Variants in ZNF322 observed in about 807,000 individuals in gnomAD.
ZNF322 encodes zinc finger protein 322.
In ZNF322, 1 loss-of-function variant was observed where a neutral mutation model predicts 18.3. The ratio of observed to expected loss-of-function variants is 0.05; its 90% CI spans 0.02 to 0.26. The LOEUF (loss-of-function observed/expected upper bound fraction) is 0.26, where lower values mean the gene tolerates loss of function less well. Among genes scored for constraint, ZNF322 ranks in the 10% least tolerant of loss-of-function variants. The probability of loss-of-function intolerance (pLI) is 1.00; values close to 1 mark genes in which losing one functional copy is unlikely to be tolerated. For missense variants in ZNF322, 36 were observed against 403.6 expected (o/e 0.09, Z 7.80); for synonymous variants, 17 against 130.7 (o/e 0.13, Z 5.93).
intron 2 of ZNF322, among the ~76,000 whole-genome samples, chr6:26,655,912 T>G (rs1232924320): frequency 1.3e-5 from 2 of 152,170 alleles, no homozygotes; most frequent in African/African-American, 2.4e-5. Context: ...CATGAGCCAA[T>G]AAATTTCTGT....
Position 26,638,311 on chromosome 6 carries a change from G to A in ZNF322, c.243C>T (p.Val81=), listed in dbSNP as rs369973163. Residue 81 remains valine (V), a synonymous_variant, in exon 4 of 4, where the codon GTC becomes GTT. Coordinates refer to ENST00000415922, the MANE Select transcript of ZNF322 (RefSeq NM_024639.5). The stretch of plus-strand genomic sequence containing the variant: ...GGTGTGAAGTAAGATCTGAGCTTTG[G>A]ACAAAGGTTTTCTCACACATATCAC... ...YKCDMCEKTF[V]QSSDLTSHQR... The A allele has an allele frequency of 9.3e-6, 15 of 1,612,792 alleles. No homozygotes were observed. The highest frequency in any genetic ancestry group is 1.2e-5 in the Non-Finnish European group (14 of 1,179,188).
rs371308099 is a variant in ZNF322 at position 26,645,055 on chromosome 6, A to G, written c.-245-1327T>C. ...GTTCAGCTCCCACTTATAAGTGAGA[A>G]CATGCGGTGTTTGCACACCAATTAT... On this transcript the variant is annotated intron_variant, in intron 2 of 3. Transcript: ENST00000415922. Among the ~76,000 whole-genome samples the G allele has an allele frequency of 5.6e-3, 851 of 152,322 alleles. 8 individuals carry two copies. The highest frequency in any genetic ancestry group is 0.029 in the South Asian group (140 of 4,822).
intron 2 of ZNF322, among the ~76,000 whole-genome samples, chr6:26,650,010 T>A (rs1402993987): frequency 2.0e-5 from 3 of 151,854 alleles, no homozygotes; most frequent in South Asian, 4.2e-4. Context: ...CCAAAAACAT[T>A]TTATATATAT....
chr6:26,652,614 T>C (rs1256126801), intron 2 of ZNF322, among the ~76,000 whole-genome samples: 3 of 151,630 alleles, frequency 2.0e-5, no homozygotes, highest in Admixed American at 2.0e-4. Flanking sequence ...CACTTGAACC[T>C]GGGAGGCAGA....
chr6:26,643,105 T>G (rs544446382), intron 3 of ZNF322, among the ~76,000 whole-genome samples: 1 of 152,384 alleles, frequency 6.6e-6, no homozygotes, highest in African/African-American at 2.4e-5. Flanking sequence ...TCTCTTTGCA[T>G]GTTCTAATCC....
At chr6:26,651,054 G>A (rs1284696572) in intron 2 of ZNF322, among the ~76,000 whole-genome samples, 3 of 152,050 alleles carry the variant, frequency 2.0e-5, no homozygotes, top group South Asian at 4.1e-4. Flanking sequence ...CAAGACTAAA[G>A]CTATAGTAAT....
intron 2 of ZNF322, among the ~76,000 whole-genome samples, chr6:26,649,665 GTGTGTGTGTGTA>G (rs1480054882): frequency 2.2e-5 from 1 of 44,580 alleles, no homozygotes; most frequent in African/African-American, 9.1e-5. Flanking sequence ...GTGTGTGTGT[GTGTGTGTGTGTA>G]TATATATATA....
intron 3 of ZNF322, among the ~76,000 whole-genome samples, chr6:26,641,976 G>C (rs782665720): frequency 6.6e-6 from 1 of 152,008 alleles, no homozygotes; most frequent in African/African-American, 2.4e-5. Context: ...TAAGAGGAAG[G>C]CATCTGTCTC....
chr6:26,654,000 A>C (rs1765719072), intron 2 of ZNF322, among the ~76,000 whole-genome samples: 1 of 152,224 alleles, frequency 6.6e-6, no homozygotes, highest in African/African-American at 2.4e-5. Flanking sequence ...GACTATGTAT[A>C]TTCAATCTAA....
chr6:26,640,965 T>C (rs565585481), intron 3 of ZNF322, among the ~76,000 whole-genome samples: 1 of 152,140 alleles, frequency 6.6e-6, no homozygotes, highest in Non-Finnish European at 1.5e-5. Context: ...AATTAGTAAG[T>C]GTAATGGACC....
chr6:26,656,681 T>C (rs1554149724), intron 2 of ZNF322, among the ~76,000 whole-genome samples: 1 of 152,132 alleles, frequency 6.6e-6, no homozygotes. Flanking sequence ...TAAAAGGTTT[T>C]GTCTTTTAAA....
chr6:26,644,648 T>C (rs1765523852), intron 2 of ZNF322, among the ~76,000 whole-genome samples: 1 of 152,174 alleles, frequency 6.6e-6, no homozygotes, highest in Non-Finnish European at 1.5e-5. Context: ...AGTGATTTTA[T>C]TTCTTTTTTT....
intron 2 of ZNF322, among the ~76,000 whole-genome samples, chr6:26,644,205 C>G (rs1554148535): frequency 6.6e-6 from 1 of 152,138 alleles, no homozygotes; most frequent in African/African-American, 2.4e-5. Context: ...ATATTTCAAC[C>G]ACAAACAACC....
intron 2 of ZNF322, among the ~76,000 whole-genome samples, chr6:26,655,504 T>C (rs986884811): frequency 2.6e-5 from 4 of 152,324 alleles, no homozygotes; most frequent in East Asian, 1.9e-4. Context: ...TGTACATGCA[T>C]AGGAGAGCAG....
intron 2 of ZNF322, among the ~76,000 whole-genome samples, chr6:26,652,112 G>A (rs184759724): frequency 1.3e-5 from 2 of 152,294 alleles, no homozygotes; most frequent in East Asian, 3.9e-4. Context: ...AGGATTATAA[G>A]CGTGAGCCAC....
At chr6:26,640,756 G>A (rs1765453284) in intron 3 of ZNF322, among the ~76,000 whole-genome samples, 2 of 152,144 alleles carry the variant, frequency 1.3e-5, no homozygotes, top group Admixed American at 1.3e-4. Context: ...CCTAGAAGAG[G>A]AGTTCTTACT....
chr6:26,645,725 A>T (rs1156376792), intron 2 of ZNF322, among the ~76,000 whole-genome samples: 1 of 152,162 alleles, frequency 6.6e-6, no homozygotes, highest in Admixed American at 6.5e-5. Context: ...TAATGAACTA[A>T]AGGCATTAAA....
chr6:26,649,734 G>A (rs1315133333), intron 2 of ZNF322, among the ~76,000 whole-genome samples: 9 of 92,302 alleles, frequency 9.8e-5, no homozygotes, highest in South Asian at 7.8e-4. Context: ...ACTGAGTTTC[G>A]CTCTTGTTGC....
intron 2 of ZNF322, among the ~76,000 whole-genome samples, chr6:26,648,205 T>C (rs185108069): frequency 3.3e-5 from 5 of 152,264 alleles, no homozygotes; most frequent in Non-Finnish European, 7.4e-5. Context: ...AACAGACCTA[T>C]GGAGAAAAAT....
Sources: gnomAD v4.1 joint callset for allele counts (sites outside exome capture counted in the v4.1 genomes callset) on GRCh38, gnomAD v4.1.1 for gene constraint, MANE v1.5 for transcripts, NCBI Gene and HGNC (gene_info 2026-07-23, HGNC 2026-07-21) for gene names.